MCM10: variants seen among roughly 807,000 people sequenced by gnomAD.
MCM10 encodes the protein protein MCM10 homolog.
MCM10 carries 91 observed loss-of-function variants against 109.9 expected under a neutral mutation model. The observed-to-expected ratio is 0.83, with a 90% CI of 0.70 to 0.99. The LOEUF is 0.99. Ranked by LOEUF, MCM10 falls within the 50% of genes least tolerant of loss-of-function variation. MCM10 has a pLI of 0.00. For synonymous variants in MCM10, 380 were observed against 387.2 expected (o/e 0.98, Z 0.22); for missense variants, 1,077 against 1,061.2 (o/e 1.01, Z -0.21).
In MCM10 at chr10:13,209,323, A is replaced by C; in HGVS notation, c.*13A>C. 6.2e-7 allele frequency: 1 copy of C among 1,603,514 alleles called. No individual in the cohort carries two copies. Among genetic ancestry groups the C allele is most frequent in the Non-Finnish European group, 8.5e-7 (1 of 1,171,602 alleles). Reference sequence around the variant, plus strand: ...CAGCCTTAAATAACCCGAACTTCAGACATTTTCCCACAGACTTCCTGGCCT... The same window carrying C: ...CAGCCTTAAATAACCCGAACTTCAGCCATTTTCCCACAGACTTCCTGGCCT... On this transcript the variant is annotated 3_prime_UTR_variant, in exon 20 of 20. Coordinates refer to ENST00000378714, the MANE Select transcript of MCM10 (RefSeq NM_018518.5).
At chr10:13,198,097 A>G (rs1303825905) in intron 15 of MCM10, among the ~76,000 whole-genome samples, 2 of 152,034 alleles carry the variant, frequency 1.3e-5, no homozygotes, top group African/African-American at 2.4e-5. Context: ...TATTTTTAGT[A>G]TAGATGGGGT....
At position 13,192,308 on chromosome 10, in the gene MCM10, C is replaced by T; in HGVS notation, c.1570C>T (p.Leu524=). 1 of 1,614,196 alleles carries T rather than the reference C, an allele frequency of 6.2e-7. No homozygotes were observed. Reference sequence around the variant, plus strand: ...TGAGGAGTTCAAGGAACTGATGGACCTGCCGACGTGTGGAGCCAGGAACTT... The same window carrying T: ...TGAGGAGTTCAAGGAACTGATGGACTTGCCGACGTGTGGAGCCAGGAACTT... ...CSEEFKELMD[L]PTCGARNLKQ... is the part of the protein sequence containing the mutation. Residue 524 remains leucine (L), a synonymous_variant, in exon 12 of 20, where the codon CTG becomes TTG. Coordinates refer to ENST00000378714, the MANE Select transcript of MCM10 (RefSeq NM_018518.5).
intron 17 of MCM10, 62 bp downstream of exon 17, chr10:13,201,596 A>G: frequency 8.3e-7 from 1 of 1,207,038 alleles, no homozygotes; most frequent in Non-Finnish European, 1.2e-6. Context: ...GTGACTCGGC[A>G]GCATGTGGAG....
chr10:13,203,270 T>C (rs2131588901), intron 17 of MCM10, among the ~76,000 whole-genome samples: 1 of 152,292 alleles, frequency 6.6e-6, no homozygotes, highest in Non-Finnish European at 1.5e-5. Flanking sequence ...CTGGCCCAGC[T>C]TCTGAGTCAC....
intron 1 of MCM10, 27 bp from the exon 2 acceptor site, chr10:13,164,101 G>T: frequency 1.0e-6 from 1 of 993,608 alleles, no homozygotes; most frequent in South Asian, 1.8e-5. Context: ...AATTGAAAGT[G>T]ACATTTCTAA....
intron 2 of MCM10, among the ~76,000 whole-genome samples, chr10:13,165,857 CAG>C (rs1248177415): frequency 9.0e-6 from 1 of 111,018 alleles, no homozygotes; most frequent in Non-Finnish European, 1.7e-5. Context: ...GCCTGGGTGA[CAG>C]AGCAAGACTC....
At position 13,191,466 on chromosome 10, in the gene MCM10, C is replaced by T. The variant is rs182882715; in HGVS notation, c.1516+67C>T. ...ATTATGCAGCCTTAGGGATAAAAGA[C>T]TACACATTGGGTACAGGGTACACTG... On this transcript the variant is annotated intron_variant, in intron 11 of 19. Transcript: ENST00000378714. The T allele has an allele frequency of 3.5e-4, 458 of 1,316,380 alleles. 1 individual carries two copies. The highest frequency in any genetic ancestry group is 7.4e-4 in the Middle Eastern group (4 of 5,402). The allele number at this position is 1,316,380 out of a possible 1,614,324, so 81.5% of individuals were successfully genotyped here. A position where few individuals can be genotyped will look rare whatever the true frequency, so the allele number is the denominator to read the frequency against.
In MCM10 at chr10:13,182,661, C is replaced by A. The variant is rs1379253615; in HGVS notation, c.931-272C>A. ...TGCTATCCCACTCCCTCTGCTTAGA[C>A]CCGAGATAACTAGAGACTCTGCTAA... On this transcript the variant is annotated intron_variant, in intron 7 of 19. Coordinates refer to ENST00000378714, the MANE Select transcript of MCM10 (RefSeq NM_018518.5). The surrounding 1 kb of genome is among the most constrained non-coding windows in gnomAD (Gnocchi z 4.2). Among the ~76,000 whole-genome samples, 1 of 152,000 alleles carries A rather than the reference C, an allele frequency of 6.6e-6. No homozygotes were observed. Among genetic ancestry groups the A allele is most frequent in the Non-Finnish European group, 1.5e-5 (1 of 68,032 alleles).
At position 13,201,542 on chromosome 10, in the gene MCM10, A is replaced by T. The variant is rs1834499458; in HGVS notation, c.2352+8A>T. On this transcript the variant is annotated splice_region_variant and intron_variant, in intron 17 of 19. Coordinates refer to ENST00000378714, the MANE Select transcript of MCM10 (RefSeq NM_018518.5). Reference sequence around the variant, plus strand: ...GTCGTGACATGCAAGACGGTGGGTGAAGGTGGGGGCTGCAGCAACCCATGG... The same window carrying T: ...GTCGTGACATGCAAGACGGTGGGTGTAGGTGGGGGCTGCAGCAACCCATGG... 2 of 1,597,714 alleles carry T rather than the reference A, an allele frequency of 1.3e-6. No homozygotes were observed. Among genetic ancestry groups the T allele is most frequent in the Non-Finnish European group, 1.7e-6 (2 of 1,170,478 alleles).
intron 18 of MCM10, 55 bp downstream of exon 18, chr10:13,204,419 C>A: frequency 6.3e-7 from 1 of 1,595,974 alleles, no homozygotes; most frequent in Admixed American, 1.7e-5. Flanking sequence ...ATCTCTTTTT[C>A]CAGAGTCTGT....
At chr10:13,188,770 G>A in intron 9 of MCM10, 111 bp from the exon 10 acceptor site, 2 of 912,074 alleles carry the variant, frequency 2.2e-6, no homozygotes, top group Non-Finnish European at 3.6e-6. Flanking sequence ...TCAGCAGGGA[G>A]GACTCTGCAT....
chr10:13,198,792 AG>A lies in MCM10; in HGVS notation c.2225del (p.Gly742AlafsTer3). The A allele has an allele frequency of 6.2e-7, 1 of 1,611,546 alleles. No individual in the cohort carries two copies. Among genetic ancestry groups the A allele is most frequent in the Non-Finnish European group, 8.5e-7 (1 of 1,178,724 alleles). On this transcript the variant is annotated frameshift_variant, in exon 16 of 20. Coordinates refer to ENST00000378714, the MANE Select transcript of MCM10 (RefSeq NM_018518.5). LOFTEE classifies it high-confidence loss of function. ...KILKAKSKHT[G>X]ILKEAEAEMQ... ...TCCTAAAAGCAAAATCAAAACACAC[AG>A]GCATCCTGAAAGAGGTAAGAGCCCA...
chr10:13,171,212 G>A lies in MCM10; in HGVS notation c.298G>A (p.Val100Ile). The A allele has an allele frequency of 6.2e-7, 1 of 1,614,092 alleles. No individual in the cohort carries two copies. The highest frequency in any genetic ancestry group is 8.5e-7 in the Non-Finnish European group (1 of 1,179,988). ...CGCATCACAGTCAACTGAAAATAGGGTCCTCCCTGCTCCTGCCCCCAGGCG... is the reference window on the plus strand; with the variant it reads ...CGCATCACAGTCAACTGAAAATAGGATCCTCCCTGCTCCTGCCCCCAGGCG... ...VPASQSTENR[V>I]LPAPAPRREK... The change falls in exon 3 of 20, where the codon GTC becomes ATC. Residue 100 changes from valine (V) to isoleucine (I), a missense_variant. Physicochemically the swap from Val to Ile is conservative, Grantham distance 29 (BLOSUM62 3). Coordinates refer to ENST00000378714, the MANE Select transcript of MCM10 (RefSeq NM_018518.5).
intron 11 of MCM10, 71 bp downstream of exon 11, chr10:13,191,470 A>G (rs1588474598): frequency 1.6e-6 from 2 of 1,264,816 alleles, no homozygotes; most frequent in Non-Finnish European, 1.2e-6. Context: ...AAAAGACTAC[A>G]CATTGGGTAC....
chr10:13,175,172 G>A (rs374552188), intron 5 of MCM10, among the ~76,000 whole-genome samples: 5 of 151,952 alleles, frequency 3.3e-5, no homozygotes, highest in East Asian at 3.8e-4. Context: ...AATGTCTCAC[G>A]CCTGTAATCC....
At chr10:13,187,648 C>G (rs1834292322) in intron 9 of MCM10, among the ~76,000 whole-genome samples, 1 of 152,116 alleles carries the variant, frequency 6.6e-6, no homozygotes, top group Admixed American at 6.5e-5. Flanking sequence ...TTGTTATAGC[C>G]ATTGTAGTAG....
In MCM10 at chr10:13,197,724, G is replaced by T. The variant is rs1263691683; in HGVS notation, c.2076G>T (p.Glu692Asp). The T allele has an allele frequency of 3.1e-6, 5 of 1,613,840 alleles. No individual in the cohort carries two copies. Among genetic ancestry groups the T allele is most frequent in the Admixed American group, 3.3e-5 (2 of 59,938 alleles). ...KKQKDPQDIL[E>D]VKERVEKNTM... ...AAAAGGACCCTCAGGACATCCTGGA[G>T]GTGAAGGAACGTGTAGAAAAAAACA... Residue 692 changes from glutamate (E) to aspartate (D), a missense_variant, in exon 15 of 20, where the codon GAG becomes GAT. Coordinates refer to ENST00000378714, the MANE Select transcript of MCM10 (RefSeq NM_018518.5).
chr10:13,208,880 G>C (rs192880649), intron 18 of MCM10, among the ~76,000 whole-genome samples: 1 of 152,332 alleles, frequency 6.6e-6, no homozygotes, highest in Admixed American at 6.5e-5. Context: ...CTCTAGCTTT[G>C]TAAGGACCTA....
At chr10:13,202,047 C>T (rs887359076) in intron 17 of MCM10, among the ~76,000 whole-genome samples, 2 of 152,176 alleles carry the variant, frequency 1.3e-5, no homozygotes, top group Non-Finnish European at 2.9e-5. Flanking sequence ...GTCCTCTATT[C>T]TTCAACACTG....
Sources: allele counts gnomAD v4.1 joint callset (sites outside exome capture counted in the v4.1 genomes callset), GRCh38; gene constraint gnomAD v4.1.1; non-coding constraint Gnocchi (gnomAD v3.1); transcripts MANE v1.5; gene names NCBI Gene and HGNC (gene_info 2026-07-23, HGNC 2026-07-21).